PIEZO1: variants seen among roughly 807,000 people sequenced by gnomAD.
PIEZO1 encodes the protein piezo-type mechanosensitive ion channel component 1.
A neutral mutation model predicts 297.2 loss-of-function variants in PIEZO1; 296 were observed. The observed-to-expected ratio is 1.00, with a 90% CI of 0.91 to 1.10. The LOEUF is 1.10. Ranked by LOEUF, PIEZO1 falls within the 50% of genes least tolerant of loss-of-function variation. The pLI, the probability that PIEZO1 is intolerant of heterozygous loss-of-function variation, is 0.00. For synonymous variants in PIEZO1, 2,427 were observed against 1,507.5 expected (o/e 1.61, Z -14.13); for missense variants, 5,018 against 3,455.5 (o/e 1.45, Z -11.34).
chr16:88,775,814 A>G (rs1473042389), intron 1 of PIEZO1, among the ~76,000 whole-genome samples: 1 of 152,052 alleles, frequency 6.6e-6, no homozygotes, highest in Admixed American at 6.6e-5. Flanking sequence ...TATGTGCAGG[A>G]GGCTGGCTGA....
intron 30 of PIEZO1, among the ~76,000 whole-genome samples, 198 bp from the exon 31 acceptor site, chr16:88,724,169 G>T (rs569996521): frequency 6.6e-6 from 1 of 152,240 alleles, no homozygotes; most frequent in South Asian, 2.1e-4. Flanking sequence ...GAGCCAGCGC[G>T]GGCTGGGGTG....
chr16:88,741,499 C>T lies in PIEZO1; in HGVS notation c.444G>A (p.Gln148=), dbSNP rs1264693256. 3.3e-6 allele frequency: 5 copies of T among 1,535,494 alleles called. No homozygotes were observed. The Admixed American group carries it at 7.9e-5, about 24-fold the overall frequency. The change falls in exon 5 of 51, where the codon CAG becomes CAA. Residue 148 remains glutamine (Q), a synonymous_variant. Coordinates refer to ENST00000301015, the MANE Select transcript of PIEZO1 (RefSeq NM_001142864.4). Reference sequence around the variant, plus strand: ...TCACCAGCTCCCGTGGATGTGGGCTCTGCCGGGTGTTCCTTGCAAGGCGCC... The same window carrying T: ...TCACCAGCTCCCGTGGATGTGGGCTTTGCCGGGTGTTCCTTGCAAGGCGCC... The part of the protein sequence containing the change: ...ICGRLARNTR[Q]SPHPRELDDD...
Position 88,716,409 on chromosome 16 carries a change from G to A in PIEZO1, c.7001C>T (p.Ala2334Val). 4 of 1,549,560 alleles carry A rather than the reference G, an allele frequency of 2.6e-6. No homozygotes were observed. The highest frequency in any genetic ancestry group is 1.7e-4 in the Middle Eastern group (1 of 5,988). The change falls in exon 48 of 51, where the codon GCA (alanine) becomes GTA (valine). Residue 2334 changes from alanine (A) to valine (V), a missense_variant. By Grantham distance (64) the Ala-to-Val change is moderately conservative. Coordinates refer to ENST00000301015, the MANE Select transcript of PIEZO1 (RefSeq NM_001142864.4). ...HMLALAPNSTARRQLASLLEG... is the reference protein window; with the variant it reads ...HMLALAPNSTVRRQLASLLEG... The stretch of plus-strand genomic sequence containing the variant: ...GAGCAGGCTGGCCAGCTGCCGCCGT[G>A]CAGTGCTGTTGGGGGCCAGGGCCAG...
intron 1 of PIEZO1, among the ~76,000 whole-genome samples, chr16:88,776,358 T>C (rs1185552984): frequency 6.6e-6 from 1 of 151,336 alleles, no homozygotes; most frequent in African/African-American, 2.4e-5. Flanking sequence ...GGCGTGAACC[T>C]GGGAGGCAGA....
chr16:88,760,837 G>A (rs78777782), intron 1 of PIEZO1, among the ~76,000 whole-genome samples: 11,989 of 152,318 alleles, frequency 0.079, 1,589 homozygotes, highest in African/African-American at 0.27. Flanking sequence ...CTGGGGCACT[G>A]AGGAGCTTCT....
intron 9 of PIEZO1, 36 bp from the exon 10 acceptor site, chr16:88,737,682 G>A (rs1301295912): frequency 2.0e-6 from 3 of 1,532,442 alleles, no homozygotes; most frequent in Admixed American, 3.9e-5. Flanking sequence ...GCACGGGCTG[G>A]CCGGGCGCCC....
chr16:88,732,201 G>A, intron 21 of PIEZO1, 134 bp downstream of exon 21: 1 of 722,844 alleles, frequency 1.4e-6, no homozygotes, highest in South Asian at 1.8e-5. Context: ...GCCGTGCCTG[G>A]CCCTGAGTCC....
chr16:88,737,654 C>T lies in PIEZO1; in HGVS notation c.1108-8G>A. 1 of 1,534,708 alleles carries T rather than the reference C, an allele frequency of 6.5e-7. No individual in the cohort carries two copies. Among genetic ancestry groups the T allele is most frequent in the Non-Finnish European group, 8.7e-7 (1 of 1,146,206 alleles). ...TGCTGTGGGCACCACGTGCTGTGGG[C>T]AAGCAGCGCTGAGCCATGCACGGGC... On this transcript the variant is annotated splice_polypyrimidine_tract_variant and splice_region_variant and intron_variant, in intron 9 of 50. Coordinates refer to ENST00000301015, the MANE Select transcript of PIEZO1 (RefSeq NM_001142864.4).
intron 1 of PIEZO1, among the ~76,000 whole-genome samples, chr16:88,760,758 G>A (rs1390000028): frequency 4.6e-5 from 7 of 152,198 alleles, no homozygotes; most frequent in African/African-American, 1.7e-4. Context: ...CCCGAGGGGA[G>A]CCACCCGCCT....
At chr16:88,756,072 G>A (rs745800412) in intron 1 of PIEZO1, among the ~76,000 whole-genome samples, 3 of 152,204 alleles carry the variant, frequency 2.0e-5, no homozygotes, top group East Asian at 3.8e-4. Flanking sequence ...GCAGTCAGAG[G>A]TGTCCTCAGC....
chr16:88,718,969 CA>C (rs1227354044), intron 44 of PIEZO1: 1 of 154,636 alleles, frequency 6.5e-6, no homozygotes, highest in Non-Finnish European at 1.5e-5. Context: ...TTTGGCCTCC[CA>C]AAGTGCTGGG....
At position 88,719,590 on chromosome 16, in the gene PIEZO1, C is replaced by A; in HGVS notation, c.6455G>T (p.Ser2152Ile). The A allele has an allele frequency of 6.4e-7, 1 of 1,551,032 alleles. No homozygotes were observed. Among genetic ancestry groups the A allele is most frequent in the East Asian group, 2.4e-5 (1 of 40,968 alleles). ...IYANIFIIKC[S>I]RETEKKYPQP... ...CCCAGGCACCTTCTCTGTCTCTCGGCTGCATTTGATGATGAAGATGTTGGC... is the reference window on the plus strand; with the variant it reads ...CCCAGGCACCTTCTCTGTCTCTCGGATGCATTTGATGATGAAGATGTTGGC... Residue 2152 changes from serine to isoleucine, a missense_variant, in exon 44 of 51, where the codon AGC becomes ATC. Ser to Ile is a moderately radical substitution (Grantham distance 142, BLOSUM62 -2). Coordinates refer to ENST00000301015, the MANE Select transcript of PIEZO1 (RefSeq NM_001142864.4).
At chr16:88,770,344 C>A (rs1478355995) in intron 1 of PIEZO1, among the ~76,000 whole-genome samples, 4 of 152,186 alleles carry the variant, frequency 2.6e-5, no homozygotes, top group Non-Finnish European at 5.9e-5. Flanking sequence ...GCCCCGCCTG[C>A]ATCACTTTCT....
chr16:88,716,662 C>G lies in PIEZO1; in HGVS notation c.6823G>C (p.Gly2275Arg), dbSNP rs754402684. 1.9e-6 allele frequency: 3 copies of G among 1,549,184 alleles called. No homozygotes were observed. In the East Asian group the frequency reaches 7.3e-5, roughly 38 times the overall value. Residue 2275 changes from glycine to arginine, a missense_variant, in exon 47 of 51, where the codon GGG becomes CGG. Coordinates refer to ENST00000301015, the MANE Select transcript of PIEZO1 (RefSeq NM_001142864.4). ...GGGGGACTGATGCGCCACAGCGCCC[C>G]GGAGCTGCCCTCAATCTGCGCCGTG... is the stretch of plus-strand genomic sequence containing the variant. The part of the protein sequence containing the change: ...IVTAQIEGSS[G>R]ALWRISPPSR...
chr16:88,715,790 C>T lies in PIEZO1; in HGVS notation c.7381G>A (p.Glu2461Lys), dbSNP rs371391349. 739 of 1,550,338 alleles carry T rather than the reference C, an allele frequency of 4.8e-4. 8 individuals carry two copies. The South Asian group carries it at 7.0e-3, about 15-fold the overall frequency. The change falls in exon 51 of 51, where the codon GAG becomes AAG. Residue 2461 changes from glutamate (E) to lysine (K), a missense_variant. Glu to Lys is a moderately conservative substitution (Grantham distance 56). Transcript: ENST00000301015. The part of the protein sequence containing the change: ...IGKFVRGFFS[E>K]ISHSIMFEEL... ...TCGAACATAATGGAGTGCGAGATCT[C>T]GCTGAAGAATCCGCGCACGAACTTG...
chr16:88,747,502 TGA>T (rs1180436307), intron 2 of PIEZO1, among the ~76,000 whole-genome samples: 1 of 151,830 alleles, frequency 6.6e-6, no homozygotes, highest in Non-Finnish European at 1.5e-5. Context: ...GGTGACAGAG[TGA>T]GACTCCATCT....
Position 88,742,379 on chromosome 16 carries a change from C to G in PIEZO1, c.204G>C (p.Leu68=). The G allele has an allele frequency of 1.3e-6, 2 of 1,535,418 alleles. No individual in the cohort carries two copies. Among genetic ancestry groups the G allele is most frequent in the Non-Finnish European group, 1.7e-6 (2 of 1,146,686 alleles). ...GGGCGAGATGGGCCACCAGGAAGAG[C>G]AGGCTGAGGCCCAGCAATGCCCGCA... ...RLLRALLGLS[L]LFLVAHLALQ... Residue 68 remains leucine (L), a synonymous_variant, in exon 3 of 51, where the codon CTG becomes CTC. Coordinates refer to ENST00000301015, the MANE Select transcript of PIEZO1 (RefSeq NM_001142864.4).
chr16:88,721,738 G>T lies in PIEZO1; in HGVS notation c.5215-12C>A. 6.5e-7 allele frequency: 1 copy of T among 1,537,258 alleles called. No homozygotes were observed. The highest frequency in any genetic ancestry group is 1.2e-5 in the South Asian group (1 of 83,272). ...ACGACCACCGCGATCTGTGGGGGAG[G>T]GGGCTCAGCACGCGGGGAGGGTCAC... On this transcript the variant is annotated splice_polypyrimidine_tract_variant and intron_variant, in intron 37 of 50. Transcript: ENST00000301015.
At chr16:88,762,151 G>C (rs1288024021) in intron 1 of PIEZO1, among the ~76,000 whole-genome samples, 3 of 152,188 alleles carry the variant, frequency 2.0e-5, no homozygotes, top group Non-Finnish European at 2.9e-5. Context: ...CTGTGCCCTG[G>C]GAAGGGAGCT....
Sources: gnomAD v4.1 joint callset for allele counts (sites outside exome capture counted in the v4.1 genomes callset) on GRCh38, gnomAD v4.1.1 for gene constraint, MANE v1.5 for transcripts, NCBI Gene and HGNC (gene_info 2026-07-23, HGNC 2026-07-21) for gene names.